Variants in CGNL1 observed in about 807,000 individuals in gnomAD.
CGNL1 encodes cingulin-like protein 1.
CGNL1 carries 132 observed loss-of-function variants against 141.2 expected under a neutral mutation model. The ratio of observed to expected loss-of-function variants is 0.93; its 90% CI spans 0.81 to 1.08. The LOEUF (loss-of-function observed/expected upper bound fraction) is 1.08. Ranked by LOEUF, CGNL1 falls within the 50% of genes least tolerant of loss-of-function variation. The pLI is 0.00. For synonymous variants in CGNL1, 690 were observed against 622.1 expected, an observed-to-expected ratio of 1.11 and a Z score of -1.63; for missense variants, 1,870 against 1,588.6, an observed-to-expected ratio of 1.18 and a Z score of -3.01.
intron 8 of CGNL1, among the ~76,000 whole-genome samples, chr15:57,516,452 G>A (rs1567164565): frequency 6.6e-6 from 1 of 152,190 alleles, no homozygotes; most frequent in Non-Finnish European, 1.5e-5. Context: ...TTTCTATGAA[G>A]AGCCAGAGAG....
rs199689517 is a variant in CGNL1, at chr15:57,545,589, C to G, written c.3501-3C>G. ...GTTCTTGGTTCTGTCTCCCCTCTTC[C>G]AGGGATCGGGCCAATCTTCAGCTCA... On this transcript the variant is annotated splice_region_variant and splice_polypyrimidine_tract_variant and intron_variant, in intron 16 of 18. Transcript: ENST00000281282. 79 of 1,612,014 alleles carry G rather than the reference C, an allele frequency of 4.9e-5. No homozygotes were observed. The African/African-American group carries it at 9.5e-4, about 19-fold the overall frequency.
chr15:57,411,287 A>G (rs866476133), intron 1 of CGNL1, among the ~76,000 whole-genome samples: 35 of 152,022 alleles, frequency 2.3e-4, no homozygotes, highest in African/African-American at 8.0e-4. Context: ...CTGGCTTCAT[A>G]TTTGTTCACT....
At chr15:57,496,276 A>T (rs17239763) in intron 8 of CGNL1, among the ~76,000 whole-genome samples, 64,614 of 151,950 alleles carry the variant, frequency 0.43, 14,084 homozygotes, top group Admixed American at 0.49. Flanking sequence ...TATTGAGAAG[A>T]TCAAGAGTTG....
At chr15:57,421,983 GATC>G (rs1287826073) in intron 1 of CGNL1, among the ~76,000 whole-genome samples, 1 of 151,974 alleles carries the variant, frequency 6.6e-6, no homozygotes, top group Admixed American at 6.6e-5. Context: ...TCTTTAGATT[GATC>G]ATCATGTCTT....
intron 8 of CGNL1, among the ~76,000 whole-genome samples, chr15:57,468,183 T>C (rs2063533035): frequency 6.6e-6 from 1 of 151,942 alleles, no homozygotes; most frequent in African/African-American, 2.4e-5. Flanking sequence ...GTTGCAAATG[T>C]GTGAAGTTTT....
chr15:57,516,278 G>A (rs1400655303), intron 8 of CGNL1, among the ~76,000 whole-genome samples: 6 of 151,934 alleles, frequency 3.9e-5, no homozygotes, highest in African/African-American at 1.4e-4. Flanking sequence ...CAGCCTGCCC[G>A]AATGCAGTTC....
chr15:57,419,522 T>G (rs2062889797), intron 1 of CGNL1, among the ~76,000 whole-genome samples: 1 of 152,196 alleles, frequency 6.6e-6, no homozygotes, highest in South Asian at 2.1e-4. Context: ...GAGATATTCC[T>G]TGTTTTTGAT....
Position 57,512,949 on chromosome 15 carries a change from CTT to C in CGNL1, c.2404-3821_2404-3820del, listed in dbSNP as rs35325166. Among the ~76,000 whole-genome samples, 461 of 147,858 alleles carry C rather than the reference CTT, an allele frequency of 3.1e-3. 1 individual carries two copies. Among genetic ancestry groups the C allele is most frequent in the African/African-American group, 0.011 (445 of 40,364 alleles). ...AGGTTTCCTGTAACTTTTGTTTACC[CTT>C]TTTTTTTTTAAACAGCTGTATTAAG... On this transcript the variant is annotated intron_variant, in intron 8 of 18. Transcript: ENST00000281282.
chr15:57,523,357 G>T, intron 10 of CGNL1, 132 bp from the exon 11 acceptor site: 3 of 741,112 alleles, frequency 4.0e-6, no homozygotes, highest in Non-Finnish European at 4.3e-6. Flanking sequence ...GCTTTATTTT[G>T]ATCTTCTTCC....
intron 1 of CGNL1, among the ~76,000 whole-genome samples, chr15:57,383,772 A>T (rs1327723661): frequency 1.3e-5 from 2 of 151,750 alleles, no homozygotes; most frequent in East Asian, 3.9e-4. Flanking sequence ...GGGACCACAG[A>T]TGCAGGCTAC....
At chr15:57,457,179 A>T (rs1426777326) in intron 7 of CGNL1, among the ~76,000 whole-genome samples, 4 of 152,220 alleles carry the variant, frequency 2.6e-5, no homozygotes, top group African/African-American at 9.6e-5. Context: ...TCTGGGAAGC[A>T]CTTATGCAAA....
chr15:57,444,963 A>G (rs573845226), intron 4 of CGNL1, among the ~76,000 whole-genome samples: 4 of 152,290 alleles, frequency 2.6e-5, no homozygotes, highest in African/African-American at 7.2e-5. Flanking sequence ...AGAGAGACCA[A>G]TGAAAAGCTA....
At chr15:57,533,879 G>C (rs567548317) in intron 14 of CGNL1, among the ~76,000 whole-genome samples, 1 of 152,228 alleles carries the variant, frequency 6.6e-6, no homozygotes, top group Non-Finnish European at 1.5e-5. Context: ...AGGACTTGAA[G>C]TAAGTCCAGG....
intron 8 of CGNL1, among the ~76,000 whole-genome samples, chr15:57,493,312 A>G (rs1280401789): frequency 2.6e-5 from 4 of 152,180 alleles, no homozygotes; most frequent in Non-Finnish European, 2.9e-5. Flanking sequence ...TGACAGGGTT[A>G]CTAGGCAAGG....
chr15:57,531,308 T>G (rs2031940184), intron 13 of CGNL1, among the ~76,000 whole-genome samples: 1 of 152,192 alleles, frequency 6.6e-6, no homozygotes, highest in Non-Finnish European at 1.5e-5. Flanking sequence ...GTCAAGTGTT[T>G]TTTCCACATT....
intron 1 of CGNL1, among the ~76,000 whole-genome samples, chr15:57,416,544 C>T (rs777732530): frequency 6.6e-6 from 1 of 152,176 alleles, no homozygotes; most frequent in African/African-American, 2.4e-5. Context: ...CCTACAGCTG[C>T]CTGCAGCCAT....
intron 14 of CGNL1, among the ~76,000 whole-genome samples, chr15:57,535,716 C>T (rs1287104716): frequency 6.6e-6 from 1 of 152,176 alleles, no homozygotes. Flanking sequence ...CAGTGGGCAG[C>T]CATCGAAGGC....
chr15:57,452,419 C>T, intron 6 of CGNL1, 130 bp downstream of exon 6: 2 of 784,968 alleles, frequency 2.5e-6, no homozygotes, highest in Non-Finnish European at 3.9e-6. Flanking sequence ...TCCTTTTCTT[C>T]CTCTTATCTT....
intron 7 of CGNL1, among the ~76,000 whole-genome samples, chr15:57,458,623 A>G (rs542981132): frequency 6.6e-6 from 1 of 152,344 alleles, no homozygotes; most frequent in East Asian, 1.9e-4. Flanking sequence ...GAGTAAAAGC[A>G]GGAAACAGGG....
Sources: allele counts gnomAD v4.1 joint callset (sites outside exome capture counted in the v4.1 genomes callset), GRCh38; gene constraint gnomAD v4.1.1; transcripts MANE v1.5; gene names NCBI Gene and HGNC (gene_info 2026-07-23, HGNC 2026-07-21).